The following ZFHX3 variants were observed in gnomAD, a reference collection of about 807,000 sequenced individuals.
The protein encoded by ZFHX3 is zinc finger homeobox protein 3.
A neutral mutation model predicts 279.1 loss-of-function variants in ZFHX3; 42 were observed. That is an observed-to-expected ratio of 0.15 (90% CI 0.12 to 0.19). The LOEUF (loss-of-function observed/expected upper bound fraction) is 0.19, where lower values mean the gene tolerates loss of function less well. Among genes scored for constraint, ZFHX3 ranks in the 10% least tolerant of loss-of-function variants. The probability of loss-of-function intolerance (pLI) is 1.00; values close to 1 mark genes in which losing one functional copy is unlikely to be tolerated. For synonymous variants in ZFHX3, 2,293 were observed against 1,957.8 expected (o/e 1.17, Z -4.52); for missense variants, 4,981 against 4,754.0 (o/e 1.05, Z -1.40).
At chr16:72,818,194 T>C (rs1265713751) in intron 5 of ZFHX3, among the ~76,000 whole-genome samples, 1 of 152,206 alleles carries the variant, frequency 6.6e-6, no homozygotes, top group South Asian at 2.1e-4. Flanking sequence ...CTCATAATTA[T>C]AATTAAATGG....
At chr16:73,328,481 A>C (rs771123872) in intron 3 of ZFHX3, among the ~76,000 whole-genome samples, 5 of 152,214 alleles carry the variant, frequency 3.3e-5, no homozygotes, top group Non-Finnish European at 5.9e-5. Flanking sequence ...TCTTCATGAC[A>C]TTTTAATGAG....
upstream of ZFHX3, among the ~76,000 whole-genome samples, chr16:73,052,783 T>C (rs759582303): frequency 9.9e-5 from 15 of 152,136 alleles, no homozygotes; most frequent in East Asian, 1.9e-4. Flanking sequence ...CCCGGAGCAA[T>C]TGTGTGGGGA....
At chr16:72,978,323 T>G (rs75832770) in intron 1 of ZFHX3, among the ~76,000 whole-genome samples, 1,680 of 152,330 alleles carry the variant, frequency 0.011, 37 homozygotes, top group East Asian at 0.098. Context: ...GATGAGATTA[T>G]TTTACCGGAA....
intron 5 of ZFHX3, among the ~76,000 whole-genome samples, chr16:73,187,159 C>CACACACAT (rs1555503414): frequency 8.2e-4 from 124 of 151,992 alleles, no homozygotes; most frequent in African/African-American, 2.9e-3. Flanking sequence ...CACACACACA[C>CACACACAT]ACACACACAC....
intron 1 of ZFHX3, among the ~76,000 whole-genome samples, chr16:73,807,315 CCCT>C (rs1162715979): frequency 6.6e-6 from 1 of 152,178 alleles, no homozygotes; most frequent in Non-Finnish European, 1.5e-5. Flanking sequence ...CTCCCTTCTT[CCCT>C]CCTTTCTTCC....
chr16:73,734,451 A>T (rs1288539356), intron 1 of ZFHX3, among the ~76,000 whole-genome samples: 3 of 152,244 alleles, frequency 2.0e-5, no homozygotes, highest in Admixed American at 2.0e-4. Flanking sequence ...GTTTTATCTC[A>T]TAAATTTTGT....
intron 1 of ZFHX3, among the ~76,000 whole-genome samples, chr16:72,990,649 G>T (rs1963048030): frequency 6.6e-6 from 1 of 152,180 alleles, no homozygotes; most frequent in Non-Finnish European, 1.5e-5. Context: ...GTACCCAACA[G>T]GCAGATATCA....
intron 3 of ZFHX3, among the ~76,000 whole-genome samples, chr16:72,904,020 T>C (rs1028412874): frequency 6.6e-6 from 1 of 152,204 alleles, no homozygotes; most frequent in African/African-American, 2.4e-5. Context: ...TCCCACAGGC[T>C]GGGACCAAGT....
chr16:73,835,178 A>T (rs756876564), intron 1 of ZFHX3, among the ~76,000 whole-genome samples: 8 of 152,160 alleles, frequency 5.3e-5, no homozygotes, highest in Non-Finnish European at 1.0e-4. Flanking sequence ...AGTACTCCCC[A>T]AAGAGGGTGC....
intron 1 of ZFHX3, among the ~76,000 whole-genome samples, chr16:73,023,887 TC>T (rs1175057031): frequency 1.3e-5 from 2 of 152,094 alleles, no homozygotes; most frequent in Non-Finnish European, 2.9e-5. Flanking sequence ...GAGGGACACT[TC>T]CGTTTCAGGA....
At chr16:73,413,426 C>T (rs545823966) in intron 3 of ZFHX3, among the ~76,000 whole-genome samples, 2 of 152,122 alleles carry the variant, frequency 1.3e-5, no homozygotes, top group Admixed American at 6.6e-5. Context: ...GGGCACCTTG[C>T]GGAAGGACTG....
chr16:72,976,341 GA>G (rs1567614860), intron 1 of ZFHX3, among the ~76,000 whole-genome samples: 1 of 152,204 alleles, frequency 6.6e-6, no homozygotes, highest in East Asian at 1.9e-4. Flanking sequence ...TCTGGATGGT[GA>G]ATGGGGCCAA....
At chr16:73,439,373 G>C (rs2018047880) in intron 3 of ZFHX3, among the ~76,000 whole-genome samples, 1 of 152,120 alleles carries the variant, frequency 6.6e-6, no homozygotes, top group Non-Finnish European at 1.5e-5. Context: ...TTTGAGCTCA[G>C]CGTGCTATTG....
intron 1 of ZFHX3, among the ~76,000 whole-genome samples, chr16:73,040,729 G>A (rs992631906): frequency 6.6e-6 from 1 of 152,234 alleles, no homozygotes; most frequent in African/African-American, 2.4e-5. Context: ...AGGTAGCAGA[G>A]GCCATCAGTA....
intron 4 of ZFHX3, among the ~76,000 whole-genome samples, chr16:72,851,672 A>G (rs1052366866): frequency 6.6e-6 from 1 of 151,856 alleles, no homozygotes; most frequent in Non-Finnish European, 1.5e-5. Flanking sequence ...CTCCTGCCTC[A>G]GCCTCCCGAG....
intron 2 of ZFHX3, among the ~76,000 whole-genome samples, chr16:73,584,405 G>A (rs1252748756): frequency 6.6e-6 from 1 of 152,162 alleles, no homozygotes; most frequent in Non-Finnish European, 1.5e-5. Flanking sequence ...ATCTTTAGAG[G>A]AGAAACAGAT....
chr16:73,804,071 C>A (rs146910657), intron 1 of ZFHX3, among the ~76,000 whole-genome samples: 12 of 152,270 alleles, frequency 7.9e-5, no homozygotes, highest in African/African-American at 2.6e-4. Context: ...GTGGGAAGAT[C>A]ACTTTAGCCT....
Position 72,793,482 on chromosome 16 carries a change from A to T in ZFHX3, c.9200T>A (p.Phe3067Tyr), listed in dbSNP as rs2035785929. Residue 3067 changes from phenylalanine to tyrosine, a missense_variant, in exon 9 of 10, where the codon TTT becomes TAT. Transcript: ENST00000268489. The surrounding 1 kb of genome is among the most constrained non-coding windows in gnomAD (Gnocchi z 4.3). ...CAACTGACGTACGGTGGCTGGGTCAAAGTATTCTTTCTCCTTGTCCAGCTG... is the reference window on the plus strand; with the variant it reads ...CAACTGACGTACGGTGGCTGGGTCATAGTATTCTTTCTCCTTGTCCAGCTG... ...GSQLDKEKEY[F>Y]DPATVRQLMA... 1 of 1,614,072 alleles carries T rather than the reference A, an allele frequency of 6.2e-7. No homozygotes were observed. The highest frequency in any genetic ancestry group is 1.7e-5 in the Admixed American group (1 of 60,006).
At chr16:72,834,494 A>G (rs2037137384) in intron 4 of ZFHX3, among the ~76,000 whole-genome samples, 1 of 152,202 alleles carries the variant, frequency 6.6e-6, no homozygotes, top group Non-Finnish European at 1.5e-5. Flanking sequence ...CCTTCAATCA[A>G]AGTGGTTTTG....
Sources: gnomAD v4.1 joint callset for allele counts (sites outside exome capture counted in the v4.1 genomes callset) on GRCh38, gnomAD v4.1.1 for gene constraint, Gnocchi (gnomAD v3.1) non-coding constraint, MANE v1.5 for transcripts, NCBI Gene and HGNC (gene_info 2026-07-23, HGNC 2026-07-21) for gene names.